Variants in SPMIP2 observed in about 807,000 individuals in gnomAD.
SPMIP2 encodes the protein protein SPMIP2.
chr4:158,985,867 T>C, the SPMIP2 span, among the ~76,000 whole-genome samples: 14 of 152,054 alleles, frequency 9.2e-5, no homozygotes, highest in Non-Finnish European at 1.3e-4. Context: ...GATGACTTGA[T>C]TGTATATCTA....
At chr4:158,903,145 G>A in the SPMIP2 span, among the ~76,000 whole-genome samples, 2 of 152,230 alleles carry the variant, frequency 1.3e-5, no homozygotes, top group East Asian at 1.9e-4. Flanking sequence ...CCTGGTCTGT[G>A]GGTCATGAAG....
chr4:158,893,973 T>TA, the SPMIP2 span, among the ~76,000 whole-genome samples: 15 of 151,850 alleles, frequency 9.9e-5, no homozygotes, highest in Admixed American at 2.6e-4. Context: ...AAATTCTCCT[T>TA]AAAAAAAATC....
chr4:158,929,744 T>C, the SPMIP2 span, among the ~76,000 whole-genome samples: 1 of 152,230 alleles, frequency 6.6e-6, no homozygotes, highest in African/African-American at 2.4e-5. Context: ...CTAAATTATA[T>C]GCCTATCAAT....
the SPMIP2 span, among the ~76,000 whole-genome samples, chr4:158,955,066 C>T: frequency 6.6e-6 from 1 of 152,062 alleles, no homozygotes; most frequent in Non-Finnish European, 1.5e-5. Context: ...TCTAGAGAAA[C>T]TTGAGATACT....
At chr4:158,985,135 T>C in the SPMIP2 span, among the ~76,000 whole-genome samples, 4 of 145,766 alleles carry the variant, frequency 2.7e-5, no homozygotes, top group Non-Finnish European at 6.0e-5. Context: ...ATTGTGGCAA[T>C]AATCAATAGC....
the SPMIP2 span, among the ~76,000 whole-genome samples, chr4:158,978,903 G>A: frequency 3.9e-5 from 6 of 152,128 alleles, no homozygotes; most frequent in Admixed American, 2.0e-4. Context: ...TGCTGTGCTG[G>A]GAGATCCATT....
the SPMIP2 span, among the ~76,000 whole-genome samples, chr4:159,058,796 T>G: frequency 3.3e-5 from 5 of 152,234 alleles, no homozygotes; most frequent in Admixed American, 2.6e-4. Context: ...TTATTTTAAC[T>G]GGCACATTTA....
At chr4:158,988,262 C>A in the SPMIP2 span, among the ~76,000 whole-genome samples, 3 of 152,034 alleles carry the variant, frequency 2.0e-5, no homozygotes, top group African/African-American at 7.3e-5. Context: ...AGCCTGCCAA[C>A]CAAAAAATGT....
chr4:158,964,775 A>G, the SPMIP2 span, among the ~76,000 whole-genome samples: 1 of 152,324 alleles, frequency 6.6e-6, no homozygotes, highest in East Asian at 1.9e-4. Context: ...GGGAGGCCTC[A>G]GGAAACTTAC....
chr4:159,009,878 T>C, the SPMIP2 span, among the ~76,000 whole-genome samples: 1 of 152,084 alleles, frequency 6.6e-6, no homozygotes, highest in African/African-American at 2.4e-5. Flanking sequence ...CCCAGCTACT[T>C]GGGAGGCTGA....
the SPMIP2 span, among the ~76,000 whole-genome samples, chr4:158,974,315 T>C: frequency 2.6e-5 from 4 of 152,224 alleles, no homozygotes; most frequent in African/African-American, 9.6e-5. Context: ...TAAATGAATT[T>C]TTTATTATGA....
At chr4:158,906,866 C>T in the SPMIP2 span, 1 of 152,138 alleles carries the variant, frequency 6.6e-6, no homozygotes, top group Non-Finnish European at 1.5e-5. Context: ...GTACACCACC[C>T]AGTGGCTTCA....
the SPMIP2 span, among the ~76,000 whole-genome samples, chr4:158,975,236 G>T: frequency 3.3e-5 from 5 of 150,090 alleles, no homozygotes; most frequent in African/African-American, 1.2e-4. Context: ...ATTTTCTCCC[G>T]TTCTGTAGGT....
At chr4:158,988,364 A>G in the SPMIP2 span, among the ~76,000 whole-genome samples, 1 of 152,188 alleles carries the variant, frequency 6.6e-6, no homozygotes, top group African/African-American at 2.4e-5. Flanking sequence ...ATAATAGAAA[A>G]AGAGGGACTT....
chr4:159,082,044 G>A, the SPMIP2 span, among the ~76,000 whole-genome samples: 1 of 151,584 alleles, frequency 6.6e-6, no homozygotes, highest in East Asian at 1.9e-4. Context: ...TAGGCTGGAC[G>A]TGGTGGCTCA....
chr4:159,039,047 T>C, the SPMIP2 span, among the ~76,000 whole-genome samples: 3 of 152,194 alleles, frequency 2.0e-5, no homozygotes, highest in Non-Finnish European at 1.5e-5. Context: ...GGCTCAATCA[T>C]GGCTCACTAC....
the SPMIP2 span, among the ~76,000 whole-genome samples, chr4:158,924,472 T>C: frequency 1.3e-5 from 2 of 152,188 alleles, no homozygotes; most frequent in Non-Finnish European, 2.9e-5. Context: ...CTCTGCCTCC[T>C]GGGTTCAAGT....
chr4:158,898,643 A>G, the SPMIP2 span, among the ~76,000 whole-genome samples: 1 of 151,996 alleles, frequency 6.6e-6, no homozygotes, highest in African/African-American at 2.4e-5. Flanking sequence ...TCTGTCTGTT[A>G]TTGGTGTATA....
At chr4:158,915,190 T>G in the SPMIP2 span, 14 of 1,612,814 alleles carry the variant, frequency 8.7e-6, no homozygotes, top group Non-Finnish European at 1.2e-5. Flanking sequence ...TTTGGTAGCT[T>G]CGGCAGCTTA....
Sources: allele counts gnomAD v4.1 joint callset (sites outside exome capture counted in the v4.1 genomes callset), GRCh38; gene constraint gnomAD v4.1.1; transcripts MANE v1.5; gene names NCBI Gene and HGNC (gene_info 2026-07-23, HGNC 2026-07-21).